Variants in ARL6 observed in about 807,000 individuals in gnomAD.
The protein encoded by ARL6 is ADP-ribosylation factor-like protein 6.
In ARL6, 18 loss-of-function variants were observed where a neutral mutation model predicts 27.1. The observed-to-expected ratio is 0.66, with a 90% CI of 0.46 to 0.98. The LOEUF (loss-of-function observed/expected upper bound fraction) is 0.98, where lower values mean the gene tolerates loss of function less well. Ranked by LOEUF, ARL6 falls within the 50% of genes least tolerant of loss-of-function variation. The pLI is 0.00. For synonymous variants in ARL6, 65 were observed against 72.3 expected, an observed-to-expected ratio of 0.90 and a Z score of 0.51; for missense variants, 187 against 214.9, an observed-to-expected ratio of 0.87 and a Z score of 0.81.
At chr3:97,775,172 C>T (rs2036831101) in intron 2 of ARL6, among the ~76,000 whole-genome samples, 1 of 152,190 alleles carries the variant, frequency 6.6e-6, no homozygotes, top group Non-Finnish European at 1.5e-5. Flanking sequence ...CCTTAATATT[C>T]TGTTCCTCTA....
chr3:97,794,329 C>T (rs182674086), intron 7 of ARL6, among the ~76,000 whole-genome samples: 4 of 152,008 alleles, frequency 2.6e-5, no homozygotes, highest in Admixed American at 2.0e-4. Flanking sequence ...TGTCCTGCCT[C>T]AGCCCCCTGA....
At chr3:97,768,531 CAG>C (rs890057804) in intron 2 of ARL6, among the ~76,000 whole-genome samples, 3 of 151,940 alleles carry the variant, frequency 2.0e-5, no homozygotes, top group Non-Finnish European at 2.9e-5. Context: ...AGGAGCAAAA[CAG>C]AGAAAGGTGA....
chr3:97,785,568 G>A lies in ARL6; in HGVS notation c.349+519G>A, dbSNP rs536577940. Among the ~76,000 whole-genome samples the A allele has an allele frequency of 4.0e-5, 6 of 151,876 alleles. No individual in the cohort carries two copies. In the South Asian group the frequency reaches 1.2e-3, roughly 32 times the overall value. On this transcript the variant is annotated intron_variant, in intron 5 of 7. Transcript: ENST00000463745. ...GACTATCATTGTTATTTACCAAAATGGAATCATATTCTTTACACTCTTCTG... is the reference window on the plus strand; with the variant it reads ...GACTATCATTGTTATTTACCAAAATAGAATCATATTCTTTACACTCTTCTG...
At chr3:97,793,729 T>C (rs186750446) in intron 7 of ARL6, among the ~76,000 whole-genome samples, 15 of 152,328 alleles carry the variant, frequency 9.8e-5, no homozygotes. Flanking sequence ...TCCCAAGTCT[T>C]TGTAAGGAGG....
At chr3:97,787,063 C>T (rs1049073729) in intron 5 of ARL6, among the ~76,000 whole-genome samples, 1 of 152,098 alleles carries the variant, frequency 6.6e-6, no homozygotes, top group Non-Finnish European at 1.5e-5. Flanking sequence ...TAAATTTATC[C>T]TAAGGACATA....
chr3:97,785,465 C>T (rs1196727206), intron 5 of ARL6, among the ~76,000 whole-genome samples: 1 of 144,862 alleles, frequency 6.9e-6, no homozygotes, highest in Non-Finnish European at 1.5e-5. Flanking sequence ...TGTTTAATTA[C>T]AGCATTTCTT....
rs1028143659 is a variant in ARL6 at position 97,783,131 on chromosome 3, C to T, written c.255-1824C>T. Among the ~76,000 whole-genome samples, 154 of 151,394 alleles carry T rather than the reference C, an allele frequency of 1.0e-3. 1 individual carries two copies. The highest frequency in any genetic ancestry group is 3.6e-3 in the African/African-American group (149 of 41,440). On this transcript the variant is annotated intron_variant, in intron 4 of 7. Transcript: ENST00000463745. ...AGCATGCAAAAATATAAGGAGTACA[C>T]ATTTTTTAAATTTGGAAAATATAGA...
Position 97,785,038 on chromosome 3 carries a change from T to C in ARL6, c.338T>C (p.Leu113Pro). 1 of 1,612,054 alleles carries C rather than the reference T, an allele frequency of 6.2e-7. No individual in the cohort carries two copies. Among genetic ancestry groups the C allele is most frequent in the Non-Finnish European group, 8.5e-7 (1 of 1,178,390 alleles). ...VVAKEELDTL[L>P]NHPDIKHRRI... Reference sequence around the variant, plus strand: ...GCCAAAGAAGAACTCGATACTCTTCTGAATCATCCAGGTATGTGTGTGTCT... The same window carrying C: ...GCCAAAGAAGAACTCGATACTCTTCCGAATCATCCAGGTATGTGTGTGTCT... Residue 113 changes from leucine (L) to proline (P), a missense_variant, in exon 5 of 8, where the codon CTG becomes CCG. Physicochemically the swap from Leu to Pro is moderately conservative, Grantham distance 98. Coordinates refer to ENST00000463745, the MANE Select transcript of ARL6 (RefSeq NM_001278293.3).
intron 1 of ARL6, among the ~76,000 whole-genome samples, chr3:97,767,201 G>A (rs1278654506): frequency 5.3e-5 from 8 of 151,810 alleles, no homozygotes; most frequent in African/African-American, 9.7e-5. Context: ...TTAGGGACAA[G>A]TTAACAAAGA....
chr3:97,785,660 GTAGT>G (rs964857911), intron 5 of ARL6, among the ~76,000 whole-genome samples: 4 of 151,998 alleles, frequency 2.6e-5, no homozygotes, highest in African/African-American at 7.2e-5. Context: ...ATATAATTAT[GTAGT>G]TATTCTTTTT....
At chr3:97,792,706 G>T (rs2037802152) in intron 7 of ARL6, among the ~76,000 whole-genome samples, 1 of 152,094 alleles carries the variant, frequency 6.6e-6, no homozygotes, top group African/African-American at 2.4e-5. Flanking sequence ...TTACCCTAAT[G>T]GTCTCTCAGC....
chr3:97,792,226 GCT>G (rs2037774907), intron 7 of ARL6, among the ~76,000 whole-genome samples: 1 of 152,184 alleles, frequency 6.6e-6, no homozygotes, highest in African/African-American at 2.4e-5. Context: ...GGGCACGGTG[GCT>G]CACGCCTGTA....
chr3:97,798,131 T>TA lies in ARL6; in HGVS notation c.*82_*83insA. 7.3e-7 allele frequency: 1 copy of TA among 1,372,300 alleles called. No homozygotes were observed. Among genetic ancestry groups the TA allele is most frequent in the Non-Finnish European group, 1.0e-6 (1 of 966,984 alleles). 85.0% of individuals were successfully genotyped at this position (1,372,300 alleles called of 1,614,324 possible). ...AATAGAATACATTTTGTAAAAGATGTTTATGCATCAAAAAATATAATTTTC... is the reference window on the plus strand; with the variant it reads ...AATAGAATACATTTTGTAAAAGATGTATTATGCATCAAAAAATATAATTTTC... On this transcript the variant is annotated 3_prime_UTR_variant, in exon 8 of 8. Coordinates refer to ENST00000463745, the MANE Select transcript of ARL6 (RefSeq NM_001278293.3).
chr3:97,768,320 A>G (rs1172703134), intron 2 of ARL6, 90 bp downstream of exon 2: 3 of 1,365,886 alleles, frequency 2.2e-6, no homozygotes, highest in Non-Finnish European at 3.1e-6. Flanking sequence ...AAAACCGCAT[A>G]TAATCACATT....
intron 7 of ARL6, among the ~76,000 whole-genome samples, chr3:97,794,904 T>G (rs1453298338): frequency 1.3e-5 from 2 of 152,072 alleles, no homozygotes; most frequent in African/African-American, 4.8e-5. Flanking sequence ...TAGCCAACTA[T>G]AGTGAAACAC....
At chr3:97,774,648 T>C (rs1344846903) in intron 2 of ARL6, among the ~76,000 whole-genome samples, 1 of 152,160 alleles carries the variant, frequency 6.6e-6, no homozygotes. Flanking sequence ...TCCCATTCTT[T>C]TCCAATCAAT....
chr3:97,781,569 T>G (rs7640518), intron 4 of ARL6, among the ~76,000 whole-genome samples: 12,271 of 152,104 alleles, frequency 0.081, 1,583 homozygotes, highest in African/African-American at 0.28. Flanking sequence ...TAAGCCATTT[T>G]ATATAAGAGA....
chr3:97,771,019 A>T (rs538177971), intron 2 of ARL6, among the ~76,000 whole-genome samples: 2 of 152,132 alleles, frequency 1.3e-5, no homozygotes, highest in East Asian at 3.9e-4. Flanking sequence ...TTATGGTTTC[A>T]TATAAATTTT....
intron 3 of ARL6, 106 bp from the exon 4 acceptor site, chr3:97,780,502 CATGTTGA>C: frequency 1.2e-6 from 1 of 846,218 alleles, no homozygotes; most frequent in Non-Finnish European, 2.0e-6. Flanking sequence ...TAAATTGGCA[CATGTTGA>C]ATATTGCATA....
Sources: allele counts gnomAD v4.1 joint callset (sites outside exome capture counted in the v4.1 genomes callset), GRCh38; gene constraint gnomAD v4.1.1; transcripts MANE v1.5; gene names NCBI Gene and HGNC (gene_info 2026-07-23, HGNC 2026-07-21).